Variants in ZNF451 observed in about 807,000 individuals in gnomAD.
The protein encoded by ZNF451 is zinc finger protein 451, also known as E3 SUMO-protein ligase ZNF451.
Under a neutral mutation model 107.1 loss-of-function variants are expected in ZNF451, and 80 were observed. The ratio of observed to expected loss-of-function variants is 0.75; its 90% CI spans 0.62 to 0.90. The LOEUF (loss-of-function observed/expected upper bound fraction) is 0.90, where lower values mean the gene tolerates loss of function less well. Ranked by LOEUF, ZNF451 falls within the 40% of genes least tolerant of loss-of-function variation. The pLI, the probability that ZNF451 is intolerant of heterozygous loss-of-function variation, is 0.00. For missense variants in ZNF451, 1,107 were observed against 1,236.2 expected, an observed-to-expected ratio of 0.90 and a Z score of 1.57; for synonymous variants, 362 against 406.5, an observed-to-expected ratio of 0.89 and a Z score of 1.32.
intron 9 of ZNF451, among the ~76,000 whole-genome samples, chr6:57,144,768 A>G (rs1354320319): frequency 6.6e-6 from 1 of 151,960 alleles, no homozygotes; most frequent in Non-Finnish European, 1.5e-5. Flanking sequence ...ATCTCTACTA[A>G]AAATACAAAA....
intron 7 of ZNF451, among the ~76,000 whole-genome samples, chr6:57,140,631 A>G (rs1191318301): frequency 6.6e-6 from 1 of 152,242 alleles, no homozygotes; most frequent in African/African-American, 2.4e-5. Flanking sequence ...GATGTTTACA[A>G]GATCATTATT....
chr6:57,109,278 C>CGA, intron 3 of ZNF451: 1 of 984,594 alleles, frequency 1.0e-6, no homozygotes, highest in Non-Finnish European at 1.2e-6. Flanking sequence ...TTGTTTATTA[C>CGA]ATTCATTTTG....
intron 3 of ZNF451, chr6:57,105,286 A>G: frequency 6.1e-6 from 6 of 984,844 alleles, no homozygotes; most frequent in Non-Finnish European, 7.2e-6. Context: ...GATTCTTCAA[A>G]ATGTTATTTC....
At chr6:57,164,160 C>A (rs1763801293) in intron 14 of ZNF451, among the ~76,000 whole-genome samples, 1 of 152,160 alleles carries the variant, frequency 6.6e-6, no homozygotes, top group Non-Finnish European at 1.5e-5. Flanking sequence ...TAATCTAGTT[C>A]CTTGTACTTG....
chr6:57,131,204 T>C (rs990154887), intron 5 of ZNF451, among the ~76,000 whole-genome samples: 3 of 152,234 alleles, frequency 2.0e-5, no homozygotes, highest in Non-Finnish European at 4.4e-5. Context: ...ATTATTCTAA[T>C]GTTGGACAAT....
chr6:57,138,944 A>G (rs1309532327), intron 7 of ZNF451, among the ~76,000 whole-genome samples: 3 of 151,430 alleles, frequency 2.0e-5, no homozygotes, highest in Non-Finnish European at 4.4e-5. Flanking sequence ...TTCTAATAAA[A>G]TTTTATGTAG....
chr6:57,132,327 T>A (rs1211149084), intron 5 of ZNF451, among the ~76,000 whole-genome samples: 1 of 152,226 alleles, frequency 6.6e-6, no homozygotes, highest in African/African-American at 2.4e-5. Context: ...TCTACCCCAG[T>A]TACATTGTGT....
At chr6:57,126,151 C>G (rs1830918425) in intron 4 of ZNF451, among the ~76,000 whole-genome samples, 4 of 152,208 alleles carry the variant, frequency 2.6e-5, no homozygotes, top group Admixed American at 2.0e-4. Context: ...TAGTTTCAGC[C>G]TCCACCCATG....
chr6:57,098,893 T>C (rs1829451799), intron 2 of ZNF451, among the ~76,000 whole-genome samples, 168 bp from the exon 3 acceptor site: 1 of 152,236 alleles, frequency 6.6e-6, no homozygotes, highest in Non-Finnish European at 1.5e-5. Flanking sequence ...TTATATATTT[T>C]GAATATTTTC....
chr6:57,105,096 A>G (rs1829785787), intron 3 of ZNF451: 2 of 985,344 alleles, frequency 2.0e-6, no homozygotes, highest in Non-Finnish European at 1.2e-6. Flanking sequence ...CAATAGAATC[A>G]GAAACTCTTA....
At chr6:57,146,205 C>G (rs1013679745) in intron 9 of ZNF451, among the ~76,000 whole-genome samples, 2 of 152,016 alleles carry the variant, frequency 1.3e-5, no homozygotes, top group South Asian at 2.1e-4. Context: ...GCATAGTTTG[C>G]AGATATTTTC....
At chr6:57,108,295 T>C (rs1374939316) in intron 3 of ZNF451, 1 of 985,334 alleles carries the variant, frequency 1.0e-6, no homozygotes, top group Non-Finnish European at 1.2e-6. Flanking sequence ...TAAGAGTGGC[T>C]CTATCACAGC....
intron 2 of ZNF451, among the ~76,000 whole-genome samples, chr6:57,095,084 G>T (rs1829223931): frequency 6.6e-6 from 1 of 152,040 alleles, no homozygotes; most frequent in Admixed American, 6.5e-5. Flanking sequence ...TCATTATCAT[G>T]GAAGTTTTTC....
At chr6:57,140,669 TAAAA>T (rs776362399) in intron 7 of ZNF451, among the ~76,000 whole-genome samples, 2 of 151,816 alleles carry the variant, frequency 1.3e-5, no homozygotes, top group Non-Finnish European at 2.9e-5. Context: ...ACCCAAAACT[TAAAA>T]AAAGAAAAAA....
At chr6:57,160,535 G>A (rs191633473) in intron 13 of ZNF451, among the ~76,000 whole-genome samples, 3 of 152,128 alleles carry the variant, frequency 2.0e-5, no homozygotes, top group Admixed American at 2.0e-4. Context: ...GGGTTTTGCT[G>A]TGTTGCCCAG....
intron 13 of ZNF451, among the ~76,000 whole-genome samples, chr6:57,155,659 A>G (rs955103987): frequency 3.3e-5 from 5 of 152,172 alleles, no homozygotes; most frequent in African/African-American, 1.2e-4. Flanking sequence ...TCCAAATGTG[A>G]AACCTGTTAT....
chr6:57,099,276 C>G, intron 3 of ZNF451, 135 bp downstream of exon 3: 3 of 688,326 alleles, frequency 4.4e-6, no homozygotes, highest in Non-Finnish European at 7.7e-6. Context: ...AATAGGTAGT[C>G]CAAGGAGTCC....
In ZNF451 at chr6:57,141,399, A is replaced by T; in HGVS notation, c.800A>T (p.Glu267Val). ...NCFLLFSRKE[E>V]CSKHMSGKNH... Reference sequence around the variant, plus strand: ...TTCCTTCTTTTTAGCAGAAAGGAGGAGTGTTCAAAGCATATGTCTGGAAAG... The same window carrying T: ...TTCCTTCTTTTTAGCAGAAAGGAGGTGTGTTCAAAGCATATGTCTGGAAAG... Residue 267 changes from glutamate to valine, a missense_variant, in exon 8 of 15, where the codon GAG becomes GTG. This residue lies in a region of ZNF451 where 339 missense variants were observed against 372.8 expected (regional missense o/e 0.91). Transcript: ENST00000370706. The T allele has an allele frequency of 1.2e-6, 2 of 1,613,522 alleles. No homozygotes were observed. The highest frequency in any genetic ancestry group is 8.5e-7 in the Non-Finnish European group (1 of 1,179,722).
intron 3 of ZNF451, among the ~76,000 whole-genome samples, chr6:57,118,779 G>A (rs1418468478): frequency 3.3e-5 from 5 of 152,136 alleles, no homozygotes; most frequent in South Asian, 2.1e-4. Flanking sequence ...TACTACGCTC[G>A]ACCACTAATT....
Sources: gnomAD v4.1 joint callset for allele counts (sites outside exome capture counted in the v4.1 genomes callset) on GRCh38, gnomAD v4.1.1 for gene constraint, gnomAD v4.1.1 regional missense constraint, MANE v1.5 for transcripts, NCBI Gene and HGNC (gene_info 2026-07-23, HGNC 2026-07-21) for gene names.